ACTR10: variants seen among roughly 807,000 people sequenced by gnomAD.
ACTR10 encodes actin related protein 10.
In ACTR10, 43 loss-of-function variants were observed where a neutral mutation model predicts 56.2. The ratio of observed to expected loss-of-function variants is 0.77; its 90% confidence interval spans 0.60 to 0.99. ACTR10 has a LOEUF of 0.99. Among genes scored for constraint, ACTR10 ranks in the 50% least tolerant of loss-of-function variants. The pLI, the probability that ACTR10 is intolerant of heterozygous loss-of-function variation, is 0.00. For missense variants in ACTR10, 466 were observed against 507.8 expected (o/e 0.92, Z 0.79); for synonymous variants, 170 against 176.3 (o/e 0.96, Z 0.28).
At chr14:58,220,138 A>C (rs531444255) in intron 8 of ACTR10, among the ~76,000 whole-genome samples, 2 of 152,326 alleles carry the variant, frequency 1.3e-5, no homozygotes, top group East Asian at 3.9e-4. Flanking sequence ...TTTTCACCTA[A>C]GTGAGATTTA....
chr14:58,202,907 A>G lies in ACTR10; in HGVS notation c.130A>G (p.Lys44Glu). The change falls in exon 2 of 13, where the codon AAA (lysine) becomes GAA (glutamate). Residue 44 changes from lysine (K) to glutamate (E), a missense_variant. By Grantham distance (56) the Lys-to-Glu change is moderately conservative (BLOSUM62 1). Coordinates refer to ENST00000254286, the MANE Select transcript of ACTR10 (RefSeq NM_018477.3). ...GPRCIIPSVI[K>E]RAGMPKPVRV... The stretch of plus-strand genomic sequence containing the variant: ...AAGATGTATAATTCCTAGTGTGATA[A>G]AAAGAGCTGGGATGCCTAAGGTATT... 6.2e-7 allele frequency: 1 copy of G among 1,604,842 alleles called. No individual in the cohort carries two copies. Among genetic ancestry groups the G allele is most frequent in the East Asian group, 2.2e-5 (1 of 44,648 alleles).
intron 1 of ACTR10, among the ~76,000 whole-genome samples, chr14:58,201,270 C>T (rs139629086): frequency 6.6e-6 from 1 of 152,204 alleles, no homozygotes; most frequent in African/African-American, 2.4e-5. Context: ...TTGTTCTATG[C>T]GAGGCCCTTC....
chr14:58,222,900 G>C (rs1425768879), intron 8 of ACTR10, among the ~76,000 whole-genome samples: 1 of 151,786 alleles, frequency 6.6e-6, no homozygotes, highest in Non-Finnish European at 1.5e-5. Context: ...GAATCAGACA[G>C]AGAGAGGGAG....
intron 7 of ACTR10, 88 bp from the exon 8 acceptor site, chr14:58,219,606 A>G: frequency 1.2e-6 from 1 of 833,576 alleles, no homozygotes; most frequent in South Asian, 2.5e-5. Flanking sequence ...AATTTTTTCT[A>G]AATTGAAAAA....
In ACTR10 at chr14:58,217,580, C is replaced by T. The variant is rs186388440; in HGVS notation, c.599-2114C>T. Among the ~76,000 whole-genome samples, 276 of 151,334 alleles carry T rather than the reference C, an allele frequency of 1.8e-3. 1 individual carries two copies. The highest frequency in any genetic ancestry group is 1.3e-4 in the Non-Finnish European group (9 of 67,878). On this transcript the variant is annotated intron_variant, in intron 7 of 12. Transcript: ENST00000254286. Reference sequence around the variant, plus strand: ...ACTCGGGAGGCTGAGGCAGGAGAATCGCTTGAACCTGGGAGGCGGAGATTG... The same window carrying T: ...ACTCGGGAGGCTGAGGCAGGAGAATTGCTTGAACCTGGGAGGCGGAGATTG...
At chr14:58,218,504 TAATA>T (rs568195285) in intron 7 of ACTR10, among the ~76,000 whole-genome samples, 3 of 152,230 alleles carry the variant, frequency 2.0e-5, no homozygotes, top group East Asian at 3.9e-4. Flanking sequence ...AAAGGTAAAA[TAATA>T]AATAATTCTA....
At chr14:58,205,656 T>C (rs1398229126) in intron 2 of ACTR10, among the ~76,000 whole-genome samples, 1 of 152,130 alleles carries the variant, frequency 6.6e-6, no homozygotes, top group Non-Finnish European at 1.5e-5. Context: ...AATCATTTCA[T>C]TGATTTTAAA....
chr14:58,232,408 T>TA, intron 12 of ACTR10, 141 bp downstream of exon 12: 14 of 311,618 alleles, frequency 4.5e-5, no homozygotes, highest in Non-Finnish European at 6.4e-5. Flanking sequence ...CTTTTTCTTT[T>TA]TTTTTTTTTT....
At chr14:58,205,079 G>A (rs982480438) in intron 2 of ACTR10, among the ~76,000 whole-genome samples, 4 of 151,814 alleles carry the variant, frequency 2.6e-5, no homozygotes, top group Non-Finnish European at 4.4e-5. Flanking sequence ...AATTAGCCGG[G>A]CATGGTGGCA....
At chr14:58,209,723 A>G (rs950536509) in intron 4 of ACTR10, among the ~76,000 whole-genome samples, 6 of 152,214 alleles carry the variant, frequency 3.9e-5, no homozygotes, top group African/African-American at 1.4e-4. Flanking sequence ...AGATTAGTAT[A>G]TTTCATAGTA....
chr14:58,223,552 C>T, intron 8 of ACTR10, 70 bp from the exon 9 acceptor site: 1 of 1,219,326 alleles, frequency 8.2e-7, no homozygotes, highest in Non-Finnish European at 1.2e-6. Flanking sequence ...ATTGTTTTAA[C>T]TGGGGTGTAG....
chr14:58,202,822 T>A, intron 1 of ACTR10, 33 bp from the exon 2 acceptor site: 1 of 1,439,218 alleles, frequency 6.9e-7, no homozygotes, highest in Non-Finnish European at 9.7e-7. Context: ...AAAAGAATAC[T>A]ATAAGTTGTT....
intron 10 of ACTR10, among the ~76,000 whole-genome samples, chr14:58,227,611 C>T (rs939635566): frequency 3.3e-5 from 5 of 152,192 alleles, no homozygotes; most frequent in Admixed American, 1.3e-4. Flanking sequence ...AAGCATGCAG[C>T]TCAACTGGTG....
intron 12 of ACTR10, among the ~76,000 whole-genome samples, chr14:58,233,893 G>C (rs961783688): frequency 6.6e-6 from 1 of 152,192 alleles, no homozygotes; most frequent in Non-Finnish European, 1.5e-5. Flanking sequence ...AATTGATTTA[G>C]TAATGGAATT....
intron 12 of ACTR10, 119 bp from the exon 13 acceptor site, chr14:58,234,251 T>C (rs1036845020): frequency 8.3e-6 from 6 of 724,502 alleles, no homozygotes; most frequent in Admixed American, 2.8e-5. Flanking sequence ...AGATTGTGGC[T>C]ATGCATTGCT....
chr14:58,205,248 A>C (rs887214373), intron 2 of ACTR10, among the ~76,000 whole-genome samples: 3 of 152,100 alleles, frequency 2.0e-5, no homozygotes, highest in African/African-American at 7.2e-5. Context: ...AAAACAAAAA[A>C]AAACATGTTA....
chr14:58,221,245 T>C (rs1168193537), intron 8 of ACTR10, among the ~76,000 whole-genome samples: 1 of 141,656 alleles, frequency 7.1e-6, no homozygotes, highest in African/African-American at 2.6e-5. Context: ...ATCGCGCCAC[T>C]GCACTCCAGC....
At chr14:58,233,407 A>G (rs1022778777) in intron 12 of ACTR10, among the ~76,000 whole-genome samples, 1 of 152,182 alleles carries the variant, frequency 6.6e-6, no homozygotes, top group Non-Finnish European at 1.5e-5. Context: ...ATGCTAGAAA[A>G]ATTTTGGAGA....
At chr14:58,202,474 C>T (rs1566621039) in intron 1 of ACTR10, among the ~76,000 whole-genome samples, 1 of 151,392 alleles carries the variant, frequency 6.6e-6, no homozygotes, top group Non-Finnish European at 1.5e-5. Context: ...GTCCCAGCTA[C>T]TCAGGAGCCT....
Sources: gnomAD v4.1 joint callset for allele counts (sites outside exome capture counted in the v4.1 genomes callset) on GRCh38, gnomAD v4.1.1 for gene constraint, MANE v1.5 for transcripts, NCBI Gene and HGNC (gene_info 2026-07-23, HGNC 2026-07-21) for gene names.